The following BTLA variants were observed in gnomAD, a reference collection of about 807,000 sequenced individuals.
The protein encoded by BTLA is B and T lymphocyte associated.
BTLA carries 11 observed loss-of-function variants against 25.0 expected under a neutral mutation model. The observed-to-expected ratio is 0.44, with a 90% CI of 0.28 to 0.73. The LOEUF (loss-of-function observed/expected upper bound fraction) is 0.73, where lower values mean the gene tolerates loss of function less well. BTLA is among the 30% of genes least tolerant of loss of function. The pLI, the probability that BTLA is intolerant of heterozygous loss-of-function variation, is 0.15. For missense variants in BTLA, 282 were observed against 332.8 expected, an observed-to-expected ratio of 0.85 and a Z score of 1.19; for synonymous variants, 104 against 119.8, an observed-to-expected ratio of 0.87 and a Z score of 0.86.
At chr3:112,493,303 A>G (rs937040641) in intron 1 of BTLA, among the ~76,000 whole-genome samples, 2 of 152,230 alleles carry the variant, frequency 1.3e-5, no homozygotes, top group Non-Finnish European at 2.9e-5. Flanking sequence ...GCCAAAAGCA[A>G]TTGCAACAAA....
intron 1 of BTLA, among the ~76,000 whole-genome samples, chr3:112,483,054 T>A (rs1461677777): frequency 6.6e-6 from 1 of 151,700 alleles, no homozygotes; most frequent in Non-Finnish European, 1.5e-5. Flanking sequence ...AACAATGAGA[T>A]GGTTATAGAC....
intron 2 of BTLA, 97 bp downstream of exon 2, chr3:112,479,358 G>A: frequency 1.7e-6 from 2 of 1,165,878 alleles, no homozygotes; most frequent in Non-Finnish European, 2.5e-6. Context: ...TGCTATAGGA[G>A]TTGGCTTTCT....
At chr3:112,469,977 C>G (rs947152330) in intron 3 of BTLA, 173 bp from the exon 4 acceptor site, 64 of 536,070 alleles carry the variant, frequency 1.2e-4, no homozygotes, top group South Asian at 6.8e-4. Context: ...CTGACCAGCT[C>G]TCTCTCTGGT....
At chr3:112,469,627 A>AGTACATAGAATATGTATATAC (rs1553730233) in intron 4 of BTLA, 131 bp downstream of exon 4, 1 of 33,974 alleles carries the variant, frequency 2.9e-5, no homozygotes, top group Non-Finnish European at 9.1e-5. Context: ...ATATATATAT[A>AGTACATAGAATATGTATATAC]TATATATATA....
intron 4 of BTLA, among the ~76,000 whole-genome samples, chr3:112,469,492 G>A (rs1270085588): frequency 1.3e-5 from 2 of 151,744 alleles, no homozygotes; most frequent in African/African-American, 2.4e-5. Flanking sequence ...CTTGGATCTA[G>A]ACTGCCTTCC....
chr3:112,479,817 A>C, intron 1 of BTLA, 48 bp from the exon 2 acceptor site: 1 of 1,415,614 alleles, frequency 7.1e-7, no homozygotes, highest in Non-Finnish European at 9.6e-7. Context: ...TTCTGGAAGT[A>C]CCATATATAT....
chr3:112,488,380 G>A (rs963677718), intron 1 of BTLA, among the ~76,000 whole-genome samples: 8 of 151,640 alleles, frequency 5.3e-5, no homozygotes, highest in African/African-American at 1.7e-4. Flanking sequence ...CCACCACCAC[G>A]CCCGGCTAAT....
At chr3:112,477,563 G>A (rs545963519) in intron 2 of BTLA, among the ~76,000 whole-genome samples, 2 of 151,968 alleles carry the variant, frequency 1.3e-5, no homozygotes, top group Admixed American at 1.3e-4. Flanking sequence ...TTGAATTTTA[G>A]TATCTTTTGA....
intron 1 of BTLA, among the ~76,000 whole-genome samples, chr3:112,494,136 A>G (rs6793232): frequency 0.99 from 150,756 of 152,264 alleles, 74,644 homozygotes; most frequent in Non-Finnish European, 1. Context: ...CATTTATGCC[A>G]CCAACAAACA....
intron 1 of BTLA, among the ~76,000 whole-genome samples, chr3:112,483,130 G>A (rs1389752188): frequency 6.8e-6 from 1 of 147,618 alleles, no homozygotes; most frequent in Non-Finnish European, 1.5e-5. Context: ...CTAACAAAGA[G>A]GGCACCTTTC....
intron 1 of BTLA, among the ~76,000 whole-genome samples, chr3:112,494,301 G>A (rs113521375): frequency 3.3e-5 from 5 of 152,088 alleles, no homozygotes; most frequent in South Asian, 2.1e-4. Flanking sequence ...GCTTTTACAC[G>A]GTTGGTGGGA....
intron 2 of BTLA, among the ~76,000 whole-genome samples, chr3:112,475,613 C>G (rs1283903644): frequency 1.3e-5 from 2 of 152,174 alleles, no homozygotes; most frequent in Admixed American, 1.3e-4. Context: ...TTTTGTGTAA[C>G]AGACTTTTGT....
chr3:112,499,133 C>A, intron 1 of BTLA, 138 bp downstream of exon 1: 1 of 620,596 alleles, frequency 1.6e-6, no homozygotes, highest in East Asian at 2.7e-5. Context: ...CTTCGGTAAG[C>A]AAATGTAACA....
chr3:112,479,838 T>C (rs1055782432), intron 1 of BTLA, 69 bp from the exon 2 acceptor site: 6 of 1,277,084 alleles, frequency 4.7e-6, no homozygotes, highest in Non-Finnish European at 5.4e-6. Context: ...GTGACTTCAA[T>C]AGTTCTCAAG....
chr3:112,479,152 T>C (rs985797112), intron 2 of BTLA, among the ~76,000 whole-genome samples: 1 of 152,184 alleles, frequency 6.6e-6, no homozygotes, highest in Non-Finnish European at 1.5e-5. Context: ...GTATTCACTT[T>C]ATAATTTTTT....
chr3:112,497,127 A>T (rs749641039), intron 1 of BTLA, among the ~76,000 whole-genome samples: 3 of 152,236 alleles, frequency 2.0e-5, no homozygotes, highest in Non-Finnish European at 2.9e-5. Flanking sequence ...TTAAAAACTC[A>T]ACTATTTTAA....
At chr3:112,487,581 G>C (rs1254352135) in intron 1 of BTLA, among the ~76,000 whole-genome samples, 1 of 144,966 alleles carries the variant, frequency 6.9e-6, no homozygotes, top group Non-Finnish European at 1.5e-5. Flanking sequence ...GCGAAAATCT[G>C]TGTCAAAAAA....
intron 1 of BTLA, among the ~76,000 whole-genome samples, chr3:112,479,978 T>C (rs563509570): frequency 6.6e-6 from 1 of 151,968 alleles, no homozygotes; most frequent in Admixed American, 6.5e-5. Flanking sequence ...TAATCCTCTG[T>C]CTGTCAGGCC....
In BTLA at chr3:112,479,624, T is replaced by C. The variant is rs201242387; in HGVS notation, c.234A>G (p.Thr78=). 128 of 1,614,042 alleles carry C rather than the reference T, an allele frequency of 7.9e-5. No individual in the cohort carries two copies. Among genetic ancestry groups the C allele is most frequent in the Non-Finnish European group, 2.0e-5 (24 of 1,180,012 alleles). Residue 78 remains threonine (T), a synonymous_variant, in exon 2 of 5, where the codon ACA becomes ACG. Transcript: ENST00000334529. ...TTTGTCTATCTTCAAGTTTTACACA[T>C]GTTGTTCCATTGAGCTTGCACCAAG... ...HVTWCKLNGT[T]CVKLEDRQTS...
Sources: allele counts gnomAD v4.1 joint callset (sites outside exome capture counted in the v4.1 genomes callset), GRCh38; gene constraint gnomAD v4.1.1; transcripts MANE v1.5; gene names NCBI Gene and HGNC (gene_info 2026-07-23, HGNC 2026-07-21).